VPS13B: variants seen among roughly 807,000 people sequenced by gnomAD.
VPS13B encodes the protein vacuolar protein sorting 13 homolog B.
In VPS13B, 285 loss-of-function variants were observed where a neutral mutation model predicts 426.4. That is an observed-to-expected ratio of 0.67 (90% CI 0.61 to 0.74). The LOEUF is 0.74. Among genes scored for constraint, VPS13B ranks in the 30% least tolerant of loss-of-function variants. The pLI, the probability that VPS13B is intolerant of heterozygous loss-of-function variation, is 0.00. For missense variants in VPS13B, 4,537 were observed against 4,782.6 expected (o/e 0.95, Z 1.51); for synonymous variants, 1,676 against 1,676.4 (o/e 1.00, Z 0.01).
In VPS13B at chr8:99,778,985, A is replaced by G. The variant is rs748408812; in HGVS notation, c.7733A>G (p.Gln2578Arg). Residue 2578 changes from glutamine to arginine, a missense_variant, in exon 42 of 62, where the codon CAG becomes CGG. Transcript: ENST00000357162. ...IVDSVFVNLG[Q>R]HVVHSLNTAI... Reference sequence around the variant, plus strand: ...GATTCTGTATTTGTAAACCTTGGACAGCATGTAGTCCATTCACTAAACACT... The same window carrying G: ...GATTCTGTATTTGTAAACCTTGGACGGCATGTAGTCCATTCACTAAACACT... 3.7e-6 allele frequency: 6 copies of G among 1,613,882 alleles called. No individual in the cohort carries two copies. The South Asian group carries it at 4.4e-5, about 12-fold the overall frequency.
intron 19 of VPS13B, among the ~76,000 whole-genome samples, chr8:99,367,485 A>T (rs1310307414): frequency 6.6e-6 from 1 of 152,148 alleles, no homozygotes; most frequent in Non-Finnish European, 1.5e-5. Flanking sequence ...TCTTTCGGTC[A>T]GATCTGGTTG....
At chr8:99,229,855 A>G (rs1366149220) in intron 17 of VPS13B, among the ~76,000 whole-genome samples, 1 of 152,194 alleles carries the variant, frequency 6.6e-6, no homozygotes, top group Admixed American at 6.6e-5. Context: ...CAAAGGAGTG[A>G]TACAGTTTGA....
At chr8:99,360,188 T>TTCTTTCTTTC (rs1812459732) in intron 19 of VPS13B, among the ~76,000 whole-genome samples, 2 of 28,030 alleles carry the variant, frequency 7.1e-5, no homozygotes, top group African/African-American at 1.4e-4. Context: ...CTTTCTTTCT[T>TTCTTTCTTTC]TCTCTCTCTC....
intron 19 of VPS13B, among the ~76,000 whole-genome samples, chr8:99,299,776 G>C (rs1000104898): frequency 6.6e-5 from 10 of 152,112 alleles, no homozygotes; most frequent in East Asian, 1.9e-4. Flanking sequence ...TGAGCGTGGT[G>C]GTGGGCCTCT....
intron 5 of VPS13B, among the ~76,000 whole-genome samples, chr8:99,107,923 G>A (rs1847132093): frequency 6.6e-6 from 1 of 152,136 alleles, no homozygotes; most frequent in African/African-American, 2.4e-5. Flanking sequence ...CATGCATTTG[G>A]TGTACAGATT....
Position 99,115,726 on chromosome 8 carries a change from A to G in VPS13B, c.789A>G (p.Lys263=). 1 of 1,612,862 alleles carries G rather than the reference A, an allele frequency of 6.2e-7. No individual in the cohort carries two copies. Among genetic ancestry groups the G allele is most frequent in the Non-Finnish European group, 8.5e-7 (1 of 1,179,420 alleles). Residue 263 remains lysine, a synonymous_variant, in exon 7 of 62, where the codon AAA becomes AAG. Coordinates refer to ENST00000357162, the MANE Select transcript of VPS13B (RefSeq NM_152564.5). ...IKIHTLVESL[K]LSITDQQLPM... The stretch of plus-strand genomic sequence containing the variant: ...TTCATACTTTAGTGGAAAGTTTGAA[A>G]CTTTCTATCACAGATCAACAACTGC...
intron 3 of VPS13B, among the ~76,000 whole-genome samples, chr8:99,061,758 T>C (rs1026059470): frequency 6.6e-6 from 1 of 152,230 alleles, no homozygotes; most frequent in African/African-American, 2.4e-5. Flanking sequence ...TTACCTAGAA[T>C]GTTTATGACA....
At chr8:99,515,398 G>GCTT (rs1822008004) in intron 29 of VPS13B, among the ~76,000 whole-genome samples, 1 of 147,312 alleles carries the variant, frequency 6.8e-6, no homozygotes, top group African/African-American at 2.6e-5. Flanking sequence ...TGCTGCTTCT[G>GCTT]CTTCCTCCTC....
chr8:99,520,995 G>C lies in VPS13B; in HGVS notation c.4730G>C (p.Arg1577Thr), dbSNP rs1563774096. The C allele has an allele frequency of 7.4e-6, 12 of 1,613,392 alleles. No homozygotes were observed. Among genetic ancestry groups the C allele is most frequent in the Non-Finnish European group, 1.0e-5 (12 of 1,179,602 alleles). ...AATCCCCTTGGCAGATCTGTCCTTA[G>C]GAAAGATATTTACCAGTAAGTTTAT... ...ADNPLGRSVL[R>T]KDIYQRALNL... The change falls in exon 30 of 62, where the codon AGG (arginine) becomes ACG (threonine). Residue 1577 changes from arginine to threonine, a missense_variant. Arg to Thr is a moderately conservative substitution (Grantham distance 71, BLOSUM62 -1). Transcript: ENST00000357162.
rs147188138 is a variant in VPS13B, at chr8:99,116,517, G to A, written c.937+643G>A. Among the ~76,000 whole-genome samples the A allele has an allele frequency of 3.9e-3, 587 of 152,188 alleles. 2 individuals are homozygous for A. Among genetic ancestry groups the A allele is most frequent in the African/African-American group, 0.013 (553 of 41,512 alleles). The stretch of plus-strand genomic sequence containing the variant: ...GGCATGATCATGGGTCACTGCAGCC[G>A]CGACCTCCCAGGCTCAGGTGATCCT... On this transcript the variant is annotated intron_variant, in intron 7 of 61. Transcript: ENST00000357162.
chr8:99,343,884 CAT>C (rs1331939172), intron 19 of VPS13B, among the ~76,000 whole-genome samples: 1 of 152,116 alleles, frequency 6.6e-6, no homozygotes, highest in African/African-American at 2.4e-5. Context: ...ATTATGAAAA[CAT>C]GTGTACTATC....
chr8:99,518,665 T>C (rs1378057123), intron 29 of VPS13B, among the ~76,000 whole-genome samples: 2 of 152,238 alleles, frequency 1.3e-5, no homozygotes, highest in Non-Finnish European at 2.9e-5. Flanking sequence ...ATTCTTCTTA[T>C]GTTTTTCTGA....
intron 30 of VPS13B, among the ~76,000 whole-genome samples, chr8:99,547,411 A>G (rs548069886): frequency 1.3e-5 from 2 of 152,194 alleles, no homozygotes; most frequent in Non-Finnish European, 2.9e-5. Flanking sequence ...ATCAAGGCAT[A>G]AAAGTTTTAC....
intron 33 of VPS13B, among the ~76,000 whole-genome samples, chr8:99,618,369 GA>G (rs1828202384): frequency 6.6e-6 from 1 of 151,700 alleles, no homozygotes. Context: ...ACAGAAAGTT[GA>G]AATGACAAAG....
chr8:99,121,883 ACT>A (rs1847961131), intron 8 of VPS13B: 1 of 128,236 alleles, frequency 7.8e-6, no homozygotes, highest in Admixed American at 9.8e-5. Flanking sequence ...ACAGGGTCTG[ACT>A]CTGTTGCCTA....
intron 25 of VPS13B, among the ~76,000 whole-genome samples, chr8:99,486,788 T>A (rs1422843449): frequency 1.3e-5 from 2 of 152,216 alleles, no homozygotes; most frequent in South Asian, 2.1e-4. Context: ...AAGGACTGTT[T>A]CCACTTGTTA....
At chr8:99,116,201 A>AT (rs5893479) in intron 7 of VPS13B, among the ~76,000 whole-genome samples, 103,982 of 146,118 alleles carry the variant, frequency 0.71, 37,552 homozygotes, top group South Asian at 0.86. Context: ...GTAATTTTGT[A>AT]TTTTTTTTTT....
intron 42 of VPS13B, among the ~76,000 whole-genome samples, chr8:99,782,254 A>G (rs542046641): frequency 6.6e-6 from 1 of 152,248 alleles, no homozygotes; most frequent in Admixed American, 6.5e-5. Context: ...TAAATCTACC[A>G]AAGTTTTCGT....
intron 3 of VPS13B, among the ~76,000 whole-genome samples, chr8:99,088,286 A>G (rs1845953160): frequency 6.7e-6 from 1 of 150,208 alleles, no homozygotes. Flanking sequence ...GAGCTTAGAG[A>G]TTAGTGTTGT....
Sources: gnomAD v4.1 joint callset for allele counts (sites outside exome capture counted in the v4.1 genomes callset) on GRCh38, gnomAD v4.1.1 for gene constraint, MANE v1.5 for transcripts, NCBI Gene and HGNC (gene_info 2026-07-23, HGNC 2026-07-21) for gene names.